NLRP1: variants seen among roughly 807,000 people sequenced by gnomAD.
The protein encoded by NLRP1 is NACHT, LRR and PYD domains-containing protein 1.
Under a neutral mutation model 136.7 loss-of-function variants are expected in NLRP1, and 94 were observed. The ratio of observed to expected loss-of-function variants is 0.69; its 90% confidence interval spans 0.58 to 0.82. The LOEUF is 0.82. Among genes scored for constraint, NLRP1 ranks in the 40% least tolerant of loss-of-function variants. The probability of loss-of-function intolerance (pLI) is 0.00; values close to 1 mark genes in which losing one functional copy is unlikely to be tolerated. For missense variants in NLRP1, 1,575 were observed against 1,802.7 expected, an observed-to-expected ratio of 0.87 and a Z score of 2.29; for synonymous variants, 690 against 725.1, an observed-to-expected ratio of 0.95 and a Z score of 0.78.
At chr17:5,555,025 A>T (rs1399932061) in intron 4 of NLRP1, among the ~76,000 whole-genome samples, 44 of 118,896 alleles carry the variant, frequency 3.7e-4, no homozygotes, top group Middle Eastern at 4.5e-3. Flanking sequence ...CATCACACAC[A>T]CACACACACA....
chr17:5,563,095 G>T (rs546063606), intron 3 of NLRP1, among the ~76,000 whole-genome samples: 7 of 152,028 alleles, frequency 4.6e-5, no homozygotes, highest in Admixed American at 2.0e-4. Flanking sequence ...CTTCAAACAA[G>T]ATAAAAACAA....
In NLRP1 at chr17:5,553,555, A is replaced by G. The variant is rs1236000617; in HGVS notation, c.2359T>C (p.Phe787Leu). Residue 787 changes from phenylalanine (F) to leucine (L), a missense_variant and splice_region_variant, in exon 5 of 17, where the codon TTC becomes CTC. Coordinates refer to ENST00000572272, the MANE Select transcript of NLRP1 (RefSeq NM_033004.4). ...STWSPTMVVL[F>L]RWVPVTDAYW... ...GCATCTGTGACTGGGACCCACCTGA[A>G]CCTGAGGGGGAGAGAGAAGGACAGG... The G allele has an allele frequency of 6.2e-7, 1 of 1,613,548 alleles. No individual in the cohort carries two copies. Among genetic ancestry groups the G allele is most frequent in the Non-Finnish European group, 8.5e-7 (1 of 1,179,594 alleles).
chr17:5,517,906 G>T lies in NLRP1; in HGVS notation c.3916-19C>A, dbSNP rs1270094268. 6.2e-7 allele frequency: 1 copy of T among 1,613,044 alleles called. No homozygotes were observed. The highest frequency in any genetic ancestry group is 8.5e-7 in the Non-Finnish European group (1 of 1,179,704). On this transcript the variant is annotated intron_variant, in intron 14 of 16. Transcript: ENST00000572272. ...CCAGTTCCTGAAGAGGCAAAGAGTT[G>T]AGTTGCCACCCTGTTCATCTTGCAT...
At chr17:5,517,213 A>G (rs1046086524) in intron 15 of NLRP1, among the ~76,000 whole-genome samples, 3 of 152,156 alleles carry the variant, frequency 2.0e-5, no homozygotes, top group African/African-American at 4.8e-5. Context: ...GGGAGAGAAC[A>G]TAAATTTTAG....
chr17:5,550,932 T>C lies in NLRP1; in HGVS notation c.2528+2454A>G, dbSNP rs56338420. The stretch of plus-strand genomic sequence containing the variant: ...GCAAAAAGTACAGCGAGTTCCCATA[T>C]ACTCCCTGTCCCCACATCCCTCATA... On this transcript the variant is annotated intron_variant, in intron 5 of 16. Coordinates refer to ENST00000572272, the MANE Select transcript of NLRP1 (RefSeq NM_033004.4). Among the ~76,000 whole-genome samples the C allele has an allele frequency of 9.2e-3, 1,406 of 152,258 alleles. 22 individuals carry two copies. Among genetic ancestry groups the C allele is most frequent in the African/African-American group, 0.032 (1,334 of 41,540 alleles).
chr17:5,520,088 C>A (rs963670589), intron 14 of NLRP1, among the ~76,000 whole-genome samples: 27 of 151,574 alleles, frequency 1.8e-4, no homozygotes, highest in Non-Finnish European at 1.0e-4. Context: ...AACTCCTGAC[C>A]TCAAGTGATC....
At chr17:5,536,817 G>A (rs760699279) in intron 8 of NLRP1, 34 bp downstream of exon 8, 1 of 1,500,516 alleles carries the variant, frequency 6.7e-7, no homozygotes, top group East Asian at 2.3e-5. Context: ...CCTGGGCCTG[G>A]GTCAGCCAGA....
chr17:5,579,576 C>T (rs1905369653), intron 3 of NLRP1, among the ~76,000 whole-genome samples: 1 of 152,186 alleles, frequency 6.6e-6, no homozygotes, highest in African/African-American at 2.4e-5. Flanking sequence ...CTAGCAATCC[C>T]ATTATTGGGT....
chr17:5,503,506 G>A (rs1366631360), intron 15 of NLRP1: 1 of 152,106 alleles, frequency 6.6e-6, no homozygotes, highest in Non-Finnish European at 1.5e-5. Context: ...GGTGTCTCTA[G>A]GACACCTTAT....
At chr17:5,529,918 C>G (rs1476669103) in intron 12 of NLRP1, 5 of 447,140 alleles carry the variant, frequency 1.1e-5, no homozygotes, top group Non-Finnish European at 2.3e-5. Context: ...TGACTGTTAG[C>G]TGATATTTCT....
intron 7 of NLRP1, among the ~76,000 whole-genome samples, chr17:5,538,546 T>C (rs552725820): frequency 4.6e-5 from 7 of 152,302 alleles, no homozygotes; most frequent in Non-Finnish European, 2.9e-5. Context: ...ATTCTCATAA[T>C]ACCCTGTACT....
chr17:5,507,782 G>A (rs8068672), intron 15 of NLRP1, among the ~76,000 whole-genome samples: 42,631 of 151,696 alleles, frequency 0.28, 6,432 homozygotes, highest in African/African-American at 0.4. Flanking sequence ...AGTGAGCCGA[G>A]ATTGCGCCAC....
intron 3 of NLRP1, among the ~76,000 whole-genome samples, chr17:5,578,265 C>T (rs1391099298): frequency 3.3e-5 from 5 of 152,186 alleles, no homozygotes; most frequent in African/African-American, 1.2e-4. Flanking sequence ...CATATGAGAT[C>T]TAATTAAACT....
chr17:5,506,056 G>A (rs1907316085), intron 15 of NLRP1: 1 of 152,172 alleles, frequency 6.6e-6, no homozygotes, highest in Non-Finnish European at 1.5e-5. Context: ...AGGCGGATGA[G>A]GGTGGATCGC....
At position 5,517,829 on chromosome 17, in the gene NLRP1, A is replaced by T; in HGVS notation, c.3974T>A (p.Val1325Asp). 6 of 1,614,130 alleles carry T rather than the reference A, an allele frequency of 3.7e-6. No homozygotes were observed. Among genetic ancestry groups the T allele is most frequent in the Non-Finnish European group, 5.1e-6 (6 of 1,180,012 alleles). ...GEDQLFSEFYVGHLGSGIRLQ... is the reference protein window; with the variant it reads ...GEDQLFSEFYDGHLGSGIRLQ... ...CCTGATCCCTGATCCCAAGTGGCCA[A>T]CGTAGAACTCCGAGAACAGCTGGTC... The change falls in exon 15 of 17, where the codon GTT becomes GAT. Residue 1325 changes from valine (V) to aspartate (D), a missense_variant. Transcript: ENST00000572272.
intron 3 of NLRP1, among the ~76,000 whole-genome samples, chr17:5,560,270 A>G (rs963377650): frequency 1.9e-4 from 29 of 152,202 alleles, no homozygotes; most frequent in African/African-American, 6.8e-4. Flanking sequence ...CCTTCACTGA[A>G]TATTTATCAA....
intron 3 of NLRP1, among the ~76,000 whole-genome samples, chr17:5,573,797 A>G (rs891971724): frequency 2.0e-5 from 3 of 152,256 alleles, no homozygotes; most frequent in Admixed American, 6.5e-5. Flanking sequence ...AAGGACATCC[A>G]CACCAAAACC....
rs1236723240 is a variant in NLRP1 at position 5,584,150 on chromosome 17, G to A, written c.-193C>T. 4.8e-6 allele frequency: 3 copies of A among 621,114 alleles called. No individual in the cohort carries two copies. Among genetic ancestry groups the A allele is most frequent in the East Asian group, 5.5e-5 (2 of 36,298 alleles). 38.5% of individuals were successfully genotyped at this position (621,114 alleles called of 1,614,324 possible). A position where few individuals can be genotyped will look rare whatever the true frequency, so the allele number is the denominator to read the frequency against. Reference sequence around the variant, plus strand: ...GGGGGAGTGGTAGGAAAAGCCAGGGGAGGGAGGAGCCCAGAGGGGCCTGCA... The same window carrying A: ...GGGGGAGTGGTAGGAAAAGCCAGGGAAGGGAGGAGCCCAGAGGGGCCTGCA... On this transcript the variant is annotated 5_prime_UTR_variant, in exon 1 of 17. Transcript: ENST00000572272.
chr17:5,556,447 C>T (rs1342561079), intron 4 of NLRP1, among the ~76,000 whole-genome samples: 2 of 147,400 alleles, frequency 1.4e-5, no homozygotes, highest in African/African-American at 2.5e-5. Context: ...GAGCGAGACT[C>T]CGTCTCAGAC....
Sources: allele counts gnomAD v4.1 joint callset (sites outside exome capture counted in the v4.1 genomes callset), GRCh38; gene constraint gnomAD v4.1.1; transcripts MANE v1.5; gene names NCBI Gene and HGNC (gene_info 2026-07-23, HGNC 2026-07-21).